QPCTL: variants seen among roughly 807,000 people sequenced by gnomAD.
The protein encoded by QPCTL is glutaminyl-peptide cyclotransferase like.
In QPCTL, 31 loss-of-function variants were observed where a neutral mutation model predicts 34.6. The ratio of observed to expected loss-of-function variants is 0.90; its 90% CI spans 0.67 to 1.21. The LOEUF is 1.21. Ranked by LOEUF, QPCTL falls within the 50% of genes most tolerant of loss-of-function variation. The pLI, the probability that QPCTL is intolerant of heterozygous loss-of-function variation, is 0.00. For missense variants in QPCTL, 474 were observed against 507.8 expected (o/e 0.93, Z 0.64); for synonymous variants, 223 against 226.9 (o/e 0.98, Z 0.15).
chr19:45,703,101 G>C lies in QPCTL; in HGVS notation c.*52G>C, dbSNP rs764920851. 513 of 1,607,904 alleles carry C rather than the reference G, an allele frequency of 3.2e-4. No homozygotes were observed. Among genetic ancestry groups the C allele is most frequent in the Non-Finnish European group, 4.1e-4 (484 of 1,175,060 alleles). ...GACTGTGAGAGAGAAGGTCCCAGCGGGGGCCAGTGAAGCTCAGGCAGGATC... is the reference window on the plus strand; with the variant it reads ...GACTGTGAGAGAGAAGGTCCCAGCGCGGGCCAGTGAAGCTCAGGCAGGATC... On this transcript the variant is annotated 3_prime_UTR_variant, in exon 7 of 7. Transcript: ENST00000012049.
rs902504680 is a variant in QPCTL, at chr19:45,698,650, T to TC, written c.738dup (p.Met247HisfsTer17). 2 of 1,613,970 alleles carry TC rather than the reference T, an allele frequency of 1.2e-6. No individual in the cohort carries two copies. ...TACGGTTCCCGGCACCTGGCCCAGCTCATGGAGTCTATACCTCACAGCCCC... is the reference window on the plus strand; with the variant it reads ...TACGGTTCCCGGCACCTGGCCCAGCTCCATGGAGTCTATACCTCACAGCCCC... On this transcript the variant is annotated frameshift_variant, in exon 4 of 7. Coordinates refer to ENST00000012049, the MANE Select transcript of QPCTL (RefSeq NM_017659.4). LOFTEE classifies it high-confidence loss of function.
chr19:45,698,248 TA>T (rs915871149), intron 3 of QPCTL, among the ~76,000 whole-genome samples: 1 of 148,832 alleles, frequency 6.7e-6, no homozygotes, highest in South Asian at 2.1e-4. Flanking sequence ...AGATTTATTC[TA>T]AAAAAAACAA....
At position 45,692,906 on chromosome 19, in the gene QPCTL, T is replaced by G; in HGVS notation, c.203T>G (p.Leu68Arg). The G allele has an allele frequency of 1.3e-6, 2 of 1,538,910 alleles. No individual in the cohort carries two copies. The highest frequency in any genetic ancestry group is 1.7e-6 in the Non-Finnish European group (2 of 1,145,148). Residue 68 changes from leucine (L) to arginine (R), a missense_variant, in exon 1 of 7, where the codon CTG (leucine) becomes CGG (arginine). By Grantham distance (102) the Leu-to-Arg change is moderately radical. Coordinates refer to ENST00000012049, the MANE Select transcript of QPCTL (RefSeq NM_017659.4). ...GAGGAGCTGCCGCTGGGCCGGGAGC[T>G]GCGGGTGAGGCTGGGCGGGGACCCG... is the stretch of plus-strand genomic sequence containing the variant. ...RTEELPLGRE[L>R]RVPLIGSLPE...
rs3073176 is a variant in QPCTL, at chr19:45,703,952, C to CAATA, written c.*924_*927dup. The CAATA allele has an allele frequency of 0.15, 22,924 of 149,898 alleles. 1,862 individuals carry two copies. Among genetic ancestry groups the CAATA allele is most frequent in the Middle Eastern group, 0.18 (53 of 290 alleles). The allele number at this position is 149,898 out of a possible 1,614,324, so 9.3% of individuals were successfully genotyped here. ...TGGGCAACAGAGCGAGACTCCATCT[C>CAATA]AATAAATAAATAAATAAATAAATAT... On this transcript the variant is annotated 3_prime_UTR_variant, in exon 7 of 7. Coordinates refer to ENST00000012049, the MANE Select transcript of QPCTL (RefSeq NM_017659.4).
chr19:45,700,314 G>A (rs982479636), intron 5 of QPCTL, among the ~76,000 whole-genome samples: 7 of 151,364 alleles, frequency 4.6e-5, no homozygotes, highest in Non-Finnish European at 8.8e-5. Flanking sequence ...GTGTGGTAGC[G>A]TGTGCCTGTA....
chr19:45,703,057 G>C lies in QPCTL; in HGVS notation c.*8G>C, dbSNP rs1380262614. On this transcript the variant is annotated 3_prime_UTR_variant, in exon 7 of 7. Coordinates refer to ENST00000012049, the MANE Select transcript of QPCTL (RefSeq NM_017659.4). ...GAATACCTGGGGCTCTAGCGTGCTT[G>C]GCCAATGACTGTGGAGAGGACTGTG... is the stretch of plus-strand genomic sequence containing the variant. 3 of 1,614,132 alleles carry C rather than the reference G, an allele frequency of 1.9e-6. No individual in the cohort carries two copies. The highest frequency in any genetic ancestry group is 2.2e-5 in the South Asian group (2 of 91,078).
Position 45,695,597 on chromosome 19 carries a change from C to T in QPCTL, c.512C>T (p.Ser171Leu), listed in dbSNP as rs200179816. The T allele has an allele frequency of 1.5e-5, 25 of 1,613,948 alleles. No individual in the cohort carries two copies. Among genetic ancestry groups the T allele is most frequent in the Non-Finnish European group, 2.0e-5 (24 of 1,180,010 alleles). ...CTCACCCTTGCCTGCCATTATGACT[C>T]GAAGCTCTTCCCACCCGGATCGACC... ...RHLTLACHYD[S>L]KLFPPGSTPF... Residue 171 changes from serine to leucine, a missense_variant, in exon 3 of 7, where the codon TCG becomes TTG. By Grantham distance (145) the Ser-to-Leu change is moderately radical. Coordinates refer to ENST00000012049, the MANE Select transcript of QPCTL (RefSeq NM_017659.4).
intron 2 of QPCTL, among the ~76,000 whole-genome samples, chr19:45,694,810 G>A (rs1207840968): frequency 6.6e-6 from 1 of 152,090 alleles, no homozygotes; most frequent in African/African-American, 2.4e-5. Flanking sequence ...TTCCTCATCT[G>A]TAAAATGGGG....
chr19:45,701,740 C>T (rs1600345637), intron 5 of QPCTL, 58 bp from the exon 6 acceptor site: 1 of 1,340,746 alleles, frequency 7.5e-7, no homozygotes, highest in East Asian at 2.3e-5. Flanking sequence ...GATTTGTGGA[C>T]TGGGGACCTT....
intron 3 of QPCTL, among the ~76,000 whole-genome samples, chr19:45,697,425 C>A (rs1452999287): frequency 3.4e-3 from 435 of 129,330 alleles, no homozygotes; most frequent in Middle Eastern, 0.012. Context: ...GACTCCGTCT[C>A]AAAAAAAAAA....
At chr19:45,694,767 C>T (rs1967658484) in intron 2 of QPCTL, among the ~76,000 whole-genome samples, 1 of 152,084 alleles carries the variant, frequency 6.6e-6, no homozygotes, top group Non-Finnish European at 1.5e-5. Context: ...CCGCGCCCGG[C>T]CTGGACTAGT....
In QPCTL at chr19:45,692,717, G is replaced by A. The variant is rs758015899; in HGVS notation, c.14G>A (p.Gly5Asp). The change falls in exon 1 of 7, where the codon GGC becomes GAC. Residue 5 changes from glycine to aspartate, a missense_variant. By Grantham distance (94) the Gly-to-Asp change is moderately conservative. Coordinates refer to ENST00000012049, the MANE Select transcript of QPCTL (RefSeq NM_017659.4). Reference sequence around the variant, plus strand: ...GGCAAAGCGGCCATGCGTTCCGGGGGCCGCGGGCGACCCCGCCTGCGGCTG... The same window carrying A: ...GGCAAAGCGGCCATGCGTTCCGGGGACCGCGGGCGACCCCGCCTGCGGCTG... MRSG[G>D]RGRPRLRLGE... is the part of the protein sequence containing the mutation. 1.2e-5 allele frequency: 18 copies of A among 1,551,338 alleles called. No individual in the cohort carries two copies. The South Asian group carries it at 1.5e-4, about 13-fold the overall frequency.
At chr19:45,698,463 TGCAA>T in intron 3 of QPCTL, 80 bp from the exon 4 acceptor site, 1 of 1,527,848 alleles carries the variant, frequency 6.5e-7, no homozygotes, top group Non-Finnish European at 8.9e-7. Flanking sequence ...CTCTTAAGCA[TGCAA>T]GCGGGCAAGA....
intron 5 of QPCTL, among the ~76,000 whole-genome samples, chr19:45,699,264 C>CTCG (rs1967767168): frequency 6.6e-6 from 1 of 151,810 alleles, no homozygotes; most frequent in South Asian, 2.1e-4. Flanking sequence ...AACTCCTGAC[C>CTCG]TCGTGATCCG....
At chr19:45,698,207 A>T (rs2146128797) in intron 3 of QPCTL, among the ~76,000 whole-genome samples, 1 of 152,030 alleles carries the variant, frequency 6.6e-6, no homozygotes, top group East Asian at 1.9e-4. Flanking sequence ...TCAAGATTGC[A>T]TCATTCCACT....
At chr19:45,694,267 T>C (rs1161511472) in intron 2 of QPCTL, among the ~76,000 whole-genome samples, 1 of 151,724 alleles carries the variant, frequency 6.6e-6, no homozygotes, top group African/African-American at 2.4e-5. Flanking sequence ...TAGTCCCAGC[T>C]ACTTGGGAGG....
rs1265399483 is a variant in QPCTL at position 45,698,789 on chromosome 19, C to A, written c.787-12C>A. 2 of 1,613,820 alleles carry A rather than the reference C, an allele frequency of 1.2e-6. No homozygotes were observed. Among genetic ancestry groups the A allele is most frequent in the Middle Eastern group, 1.6e-4 (1 of 6,062 alleles). On this transcript the variant is annotated splice_polypyrimidine_tract_variant and intron_variant, in intron 4 of 6. Transcript: ENST00000012049. ...CTGCACGGGCCCCTCCAGTCCTAGC[C>A]TTTCTCCTTAGGAGCTCTTTATGCT...
rs1295282563 is a variant in QPCTL, at chr19:45,692,782, C to T, written c.79C>T (p.Arg27Cys). 6.3e-7 allele frequency: 1 copy of T among 1,587,978 alleles called. No homozygotes were observed. The highest frequency in any genetic ancestry group is 1.8e-5 in the Admixed American group (1 of 56,486). Residue 27 changes from arginine to cysteine, a missense_variant, in exon 1 of 7, where the codon CGC becomes TGC. Transcript: ENST00000012049. ...CATGGAGCCACTCTTGCCGCCGAAG[C>T]GCCGCCTGCTACCGCGGGTTCGGCT... ...GLMEPLLPPK[R>C]RLLPRVRLLP...
intron 5 of QPCTL, among the ~76,000 whole-genome samples, chr19:45,700,926 T>C (rs1448030603): frequency 1.5e-5 from 2 of 130,836 alleles, no homozygotes; most frequent in Non-Finnish European, 3.1e-5. Flanking sequence ...GCTACTGCAC[T>C]CCAGCCTGGC....
Sources: gnomAD v4.1 joint callset for allele counts (sites outside exome capture counted in the v4.1 genomes callset) on GRCh38, gnomAD v4.1.1 for gene constraint, MANE v1.5 for transcripts, NCBI Gene and HGNC (gene_info 2026-07-23, HGNC 2026-07-21) for gene names.